RALGAPA1: variants seen among roughly 807,000 people sequenced by gnomAD.
RALGAPA1 encodes the protein ral GTPase-activating protein subunit alpha-1.
Under a neutral mutation model 269.6 loss-of-function variants are expected in RALGAPA1, and 52 were observed. The ratio of observed to expected loss-of-function variants is 0.19; its 90% CI spans 0.15 to 0.24. The LOEUF (loss-of-function observed/expected upper bound fraction) is 0.24. RALGAPA1 is among the 10% of genes least tolerant of loss of function. The pLI, the probability that RALGAPA1 is intolerant of heterozygous loss-of-function variation, is 1.00. For missense variants in RALGAPA1, 1,917 were observed against 3,013.9 expected (o/e 0.64, Z 8.52); for synonymous variants, 817 against 1,008.3 (o/e 0.81, Z 3.60).
intron 35 of RALGAPA1, among the ~76,000 whole-genome samples, chr14:35,618,017 A>T (rs2060372850): frequency 6.6e-6 from 1 of 152,146 alleles, no homozygotes; most frequent in South Asian, 2.1e-4. Context: ...CAAAACAAAA[A>T]GTAAAATTTT....
Position 35,603,219 on chromosome 14 carries a change from T to C in RALGAPA1, c.7053+2367A>G, listed in dbSNP as rs749733404. ...TGTAGTAAGTTTTGAAATCAAGAAG[T>C]GTAAATCTTCCTAACTTGTTCTTTT... On this transcript the variant is annotated intron_variant, in intron 36 of 41. Coordinates refer to ENST00000680220, the MANE Select transcript of RALGAPA1 (RefSeq NM_001346249.2). Among the ~76,000 whole-genome samples, 7 of 152,278 alleles carry C rather than the reference T, an allele frequency of 4.6e-5. No individual in the cohort carries two copies. The South Asian group carries it at 8.3e-4, about 18-fold the overall frequency.
At chr14:35,748,021 A>T (rs2072286544) in intron 10 of RALGAPA1, among the ~76,000 whole-genome samples, 1 of 152,116 alleles carries the variant, frequency 6.6e-6, no homozygotes, top group Admixed American at 6.5e-5. Context: ...CTTATATCAT[A>T]AACCATTTAC....
chr14:35,617,234 C>A (rs2060308364), intron 35 of RALGAPA1, among the ~76,000 whole-genome samples: 1 of 152,128 alleles, frequency 6.6e-6, no homozygotes, highest in African/African-American at 2.4e-5. Flanking sequence ...GTAATCCCAG[C>A]ACTTTGGGAG....
At chr14:35,578,381 G>C (rs546671635) in intron 37 of RALGAPA1, among the ~76,000 whole-genome samples, 1 of 152,198 alleles carries the variant, frequency 6.6e-6, no homozygotes, top group East Asian at 1.9e-4. Context: ...CTGTAACTTA[G>C]TATTCTTACT....
chr14:35,543,168 C>G (rs943862963), intron 41 of RALGAPA1, among the ~76,000 whole-genome samples: 1 of 152,232 alleles, frequency 6.6e-6, no homozygotes, highest in Non-Finnish European at 1.5e-5. Context: ...CTTGGGCAAA[C>G]TGACTTGAGA....
intron 17 of RALGAPA1, among the ~76,000 whole-genome samples, chr14:35,695,237 A>T (rs1045644116): frequency 6.6e-6 from 1 of 152,086 alleles, no homozygotes; most frequent in Non-Finnish European, 1.5e-5. Context: ...TATCTCTTAA[A>T]AAAAAAAAAT....
At chr14:35,657,682 T>C (rs1208153151) in intron 28 of RALGAPA1, among the ~76,000 whole-genome samples, 1 of 137,898 alleles carries the variant, frequency 7.3e-6, no homozygotes, top group Non-Finnish European at 1.5e-5. Context: ...GCAACATATA[T>C]ATATATATTT....
chr14:35,663,268 G>A (rs1309307175), intron 27 of RALGAPA1, among the ~76,000 whole-genome samples: 1 of 151,288 alleles, frequency 6.6e-6, no homozygotes, highest in Admixed American at 6.6e-5. Context: ...AAGACCTTGT[G>A]GTATATATAT....
At chr14:35,570,799 T>C (rs1594633475) in intron 38 of RALGAPA1, 55 bp from the exon 39 acceptor site, 2 of 1,514,672 alleles carry the variant, frequency 1.3e-6, no homozygotes, top group East Asian at 2.4e-5. Flanking sequence ...AGATTGTAAA[T>C]AAGAGCAATC....
intron 3 of RALGAPA1, among the ~76,000 whole-genome samples, chr14:35,772,341 C>CCA (rs1347121143): frequency 6.6e-6 from 1 of 152,206 alleles, no homozygotes; most frequent in Non-Finnish European, 1.5e-5. Context: ...CAAGCATGAG[C>CCA]CACTGCACCC....
chr14:35,677,709 G>A (rs1595099074), intron 22 of RALGAPA1: 5 of 424,758 alleles, frequency 1.2e-5, no homozygotes, highest in Non-Finnish European at 2.1e-5. Context: ...TACAATACTT[G>A]AAAATAATGC....
At chr14:35,589,677 T>C (rs2058521875) in intron 37 of RALGAPA1, among the ~76,000 whole-genome samples, 1 of 152,078 alleles carries the variant, frequency 6.6e-6, no homozygotes, top group Non-Finnish European at 1.5e-5. Context: ...GGAGCCCTGA[T>C]TAAATTTATG....
intron 27 of RALGAPA1, among the ~76,000 whole-genome samples, chr14:35,662,040 T>C (rs1403773564): frequency 1.3e-5 from 2 of 152,194 alleles, no homozygotes; most frequent in Non-Finnish European, 2.9e-5. Flanking sequence ...TTGACTGTGA[T>C]GATGGTTGCA....
intron 20 of RALGAPA1, 140 bp downstream of exon 20, chr14:35,684,789 C>G (rs2065771740): frequency 2.4e-6 from 2 of 829,412 alleles, no homozygotes; most frequent in South Asian, 3.8e-5. Flanking sequence ...GACCAAATAT[C>G]TAATTTTTTT....
chr14:35,650,000 T>C lies in RALGAPA1; in HGVS notation c.5676+1805A>G, dbSNP rs376903181. 1.1e-3 allele frequency among the ~76,000 whole-genome samples: 167 copies of C among 152,246 alleles called. 2 individuals carry two copies. The South Asian group carries it at 0.032, about 29-fold the overall frequency. On this transcript the variant is annotated intron_variant, in intron 31 of 41. Transcript: ENST00000680220. ...GATGATATAGAAAAAGATGAACAAGTAGTTATCCAGAAATTATTCATAAAC... is the reference window on the plus strand; with the variant it reads ...GATGATATAGAAAAAGATGAACAAGCAGTTATCCAGAAATTATTCATAAAC...
rs188961821 is a variant in RALGAPA1, at chr14:35,759,731, G to A, written c.547+1098C>T. Among the ~76,000 whole-genome samples the A allele has an allele frequency of 2.7e-3, 404 of 151,928 alleles. 2 individuals carry two copies. The highest frequency in any genetic ancestry group is 9.3e-3 in the African/African-American group (384 of 41,454). On this transcript the variant is annotated intron_variant, in intron 6 of 41. Coordinates refer to ENST00000680220, the MANE Select transcript of RALGAPA1 (RefSeq NM_001346249.2). The stretch of plus-strand genomic sequence containing the variant: ...TCGAGACCAGCTTGGCCAACATGGC[G>A]AAACCCTGTCTCTACTAAAAATACA...
chr14:35,715,295 T>C (rs2068714417), intron 16 of RALGAPA1, among the ~76,000 whole-genome samples: 2 of 152,194 alleles, frequency 1.3e-5, no homozygotes, highest in Admixed American at 6.5e-5. Flanking sequence ...TCCAAGTCAC[T>C]GATTCTCTCT....
At chr14:35,767,239 T>C (rs2074231498) in intron 4 of RALGAPA1, 1 of 166,294 alleles carries the variant, frequency 6.0e-6, no homozygotes, top group Non-Finnish European at 1.3e-5. Context: ...ATCACATAAT[T>C]GCCATACATT....
At chr14:35,671,620 G>A in intron 25 of RALGAPA1, 103 bp from the exon 26 acceptor site, 3 of 553,124 alleles carry the variant, frequency 5.4e-6, no homozygotes, top group Non-Finnish European at 9.5e-6. Context: ...TAATAAAAAA[G>A]GTAATTACTG....
Sources: allele counts gnomAD v4.1 joint callset (sites outside exome capture counted in the v4.1 genomes callset), GRCh38; gene constraint gnomAD v4.1.1; transcripts MANE v1.5; gene names NCBI Gene and HGNC (gene_info 2026-07-23, HGNC 2026-07-21).